The following PHYHIPL variants were observed in gnomAD, a reference collection of about 807,000 sequenced individuals.
The protein encoded by PHYHIPL is phytanoyl-CoA 2-hydroxylase interacting protein like.
PHYHIPL carries 9 observed loss-of-function variants against 33.4 expected under a neutral mutation model. The ratio of observed to expected loss-of-function variants is 0.27; its 90% confidence interval spans 0.16 to 0.47. PHYHIPL has a LOEUF of 0.47. Among genes scored for constraint, PHYHIPL ranks in the 20% least tolerant of loss-of-function variants. PHYHIPL has a pLI of 0.99. For synonymous variants in PHYHIPL, 153 were observed against 154.1 expected (o/e 0.99, Z 0.05); for missense variants, 365 against 460.7 (o/e 0.79, Z 1.90).
intron 1 of PHYHIPL, among the ~76,000 whole-genome samples, chr10:59,185,544 A>T (rs1469333878): frequency 6.6e-6 from 1 of 152,160 alleles, no homozygotes; most frequent in Non-Finnish European, 1.5e-5. Context: ...CGCCACACTG[A>T]CTTCCACAAT....
intron 1 of PHYHIPL, among the ~76,000 whole-genome samples, chr10:59,215,560 C>T (rs1253330949): frequency 6.6e-6 from 1 of 151,810 alleles, no homozygotes; most frequent in African/African-American, 2.4e-5. Context: ...GCCATGACCC[C>T]TGTATTCATA....
intron 4 of PHYHIPL, among the ~76,000 whole-genome samples, chr10:59,241,443 T>C (rs2393537): frequency 0.22 from 34,019 of 152,034 alleles, 5,272 homozygotes; most frequent in African/African-American, 0.43. Flanking sequence ...ACCACTTTCT[T>C]TCTTACCTCT....
chr10:59,218,130 G>C (rs1452781283), intron 1 of PHYHIPL, among the ~76,000 whole-genome samples: 1 of 152,064 alleles, frequency 6.6e-6, no homozygotes, highest in African/African-American at 2.4e-5. Context: ...TTTTGGGCCT[G>C]GATAATTATA....
chr10:59,176,642 C>A (rs532721197), upstream of PHYHIPL: 397 of 493,856 alleles, frequency 8.0e-4, 1 homozygote, highest in African/African-American at 6.6e-3. Context: ...CTCGGTCTCT[C>A]AGAGCCGCAC....
At chr10:59,179,842 TACACACACACACACACACACACACAC>T (rs147836305) in intron 1 of PHYHIPL, among the ~76,000 whole-genome samples, 2 of 134,794 alleles carry the variant, frequency 1.5e-5, no homozygotes, top group Non-Finnish European at 1.6e-5. Context: ...GCAAGACAGT[TACACACACACACACACACACACACAC>T]ACACACACAC....
chr10:59,187,968 A>G (rs1278466496), intron 1 of PHYHIPL, among the ~76,000 whole-genome samples: 1 of 151,938 alleles, frequency 6.6e-6, no homozygotes, highest in Non-Finnish European at 1.5e-5. Flanking sequence ...TATCTCCTTC[A>G]GTTCTGCTCT....
intron 2 of PHYHIPL, among the ~76,000 whole-genome samples, chr10:59,235,302 C>T (rs1275763338): frequency 1.3e-5 from 2 of 151,738 alleles, no homozygotes; most frequent in African/African-American, 2.4e-5. Context: ...ATTCACATAT[C>T]ATATATCTTT....
At chr10:59,240,210 A>G (rs1337053519) in intron 4 of PHYHIPL, among the ~76,000 whole-genome samples, 17 of 152,038 alleles carry the variant, frequency 1.1e-4, no homozygotes, top group Non-Finnish European at 2.9e-5. Context: ...CACCTAATTT[A>G]GAGAGTACAG....
At chr10:59,182,993 A>G (rs1464143420) in intron 1 of PHYHIPL, among the ~76,000 whole-genome samples, 1 of 152,218 alleles carries the variant, frequency 6.6e-6, no homozygotes, top group Non-Finnish European at 1.5e-5. Context: ...GGAGCTGGTG[A>G]ATATCCAAAT....
rs374279458 is a variant in PHYHIPL, at chr10:59,203,766, G to A, written c.106+26807G>A. Among the ~76,000 whole-genome samples the A allele has an allele frequency of 1.7e-4, 24 of 145,228 alleles. 1 individual carries two copies. The highest frequency in any genetic ancestry group is 4.2e-4 in the East Asian group (2 of 4,766). ...GGAACATCACACACCAGGGCCTGTC[G>A]TGGGGTGGGGGGAGGGAGGAGGGAT... is the stretch of plus-strand genomic sequence containing the variant. On this transcript the variant is annotated intron_variant, in intron 1 of 4. Transcript: ENST00000373880.
At chr10:59,180,259 C>T (rs188133264) in intron 1 of PHYHIPL, among the ~76,000 whole-genome samples, 1,560 of 127,368 alleles carry the variant, frequency 0.012, 43 homozygotes, top group African/African-American at 0.042. Context: ...CATATATATA[C>T]ACACACACAC....
chr10:59,201,153 A>G (rs550860675), intron 1 of PHYHIPL, among the ~76,000 whole-genome samples: 40 of 152,014 alleles, frequency 2.6e-4, no homozygotes, highest in African/African-American at 7.0e-4. Flanking sequence ...TGATGTTAGG[A>G]TGTCAATTTT....
intron 1 of PHYHIPL, among the ~76,000 whole-genome samples, chr10:59,230,413 C>G (rs1292716522): frequency 6.6e-6 from 1 of 151,882 alleles, no homozygotes; most frequent in Non-Finnish European, 1.5e-5. Flanking sequence ...CAGTGTTTCG[C>G]CATGTTGCCT....
Position 59,222,330 on chromosome 10 carries a change from G to A in PHYHIPL, c.107-11974G>A, listed in dbSNP as rs74151011. Among the ~76,000 whole-genome samples, 651 of 152,090 alleles carry A rather than the reference G, an allele frequency of 4.3e-3. 12 individuals are homozygous for A. The highest frequency in any genetic ancestry group is 0.015 in the African/African-American group (615 of 41,508). On this transcript the variant is annotated intron_variant, in intron 1 of 4. Coordinates refer to ENST00000373880, the MANE Select transcript of PHYHIPL (RefSeq NM_032439.4). ...TGCAGGTAACTAGGAGGTGCTGTAAGTATAACTGTAAGAGAAATAATTCAG... is the reference window on the plus strand; with the variant it reads ...TGCAGGTAACTAGGAGGTGCTGTAAATATAACTGTAAGAGAAATAATTCAG...
rs1564698963 is a variant in PHYHIPL, at chr10:59,180,359, T to TATAC, written c.106+3401_106+3404dup. 1.6e-3 allele frequency among the ~76,000 whole-genome samples: 178 copies of TATAC among 112,548 alleles called. 3 individuals are homozygous for TATAC. The highest frequency in any genetic ancestry group is 5.7e-3 in the African/African-American group (170 of 29,976). The allele number at this position is 112,548 out of a possible 152,430, so 73.8% of individuals were successfully genotyped here. On this transcript the variant is annotated intron_variant, in intron 1 of 4. Coordinates refer to ENST00000373880, the MANE Select transcript of PHYHIPL (RefSeq NM_032439.4). ...ATATATATATATATATATATATATATATACTTTTTCTTCCTCGTTGAACAG... is the reference window on the plus strand; with the variant it reads ...ATATATATATATATATATATATATATATACATACTTTTTCTTCCTCGTTGAACAG...
intron 1 of PHYHIPL, among the ~76,000 whole-genome samples, chr10:59,224,047 A>C (rs976182564): frequency 4.6e-5 from 7 of 152,204 alleles, no homozygotes; most frequent in African/African-American, 1.7e-4. Flanking sequence ...GAAACATGCA[A>C]ATCTATATTT....
In PHYHIPL at chr10:59,193,773, T is replaced by G. The variant is rs564040077; in HGVS notation, c.106+16814T>G. Reference sequence around the variant, plus strand: ...TATTTCTATATATTTTCTTCTGGTGTAATTCAGTATATCCAATGTTAATTT... The same window carrying G: ...TATTTCTATATATTTTCTTCTGGTGGAATTCAGTATATCCAATGTTAATTT... On this transcript the variant is annotated intron_variant, in intron 1 of 4. Transcript: ENST00000373880. 1.6e-3 allele frequency among the ~76,000 whole-genome samples: 238 copies of G among 152,298 alleles called. 1 individual carries two copies. Among genetic ancestry groups the G allele is most frequent in the Non-Finnish European group, 1.9e-3 (127 of 68,022 alleles).
chr10:59,245,528 G>A lies in PHYHIPL; in HGVS notation c.1068G>A (p.Leu356=). 1 of 1,613,470 alleles carries A rather than the reference G, an allele frequency of 6.2e-7. No individual in the cohort carries two copies. Among genetic ancestry groups the A allele is most frequent in the Non-Finnish European group, 8.5e-7 (1 of 1,179,792 alleles). Residue 356 remains leucine (L), a synonymous_variant, in exon 5 of 5, where the codon TTG becomes TTA. Coordinates refer to ENST00000373880, the MANE Select transcript of PHYHIPL (RefSeq NM_032439.4). ...TCACTGGTCATCAGCTCATGAGTTTGTCTACTGCAAATGCAAAGAAAGATC... is the reference window on the plus strand; with the variant it reads ...TCACTGGTCATCAGCTCATGAGTTTATCTACTGCAAATGCAAAGAAAGATC... ...AEITGHQLMS[L]STANAKKDPS...
At chr10:59,190,368 A>G (rs1026028520) in intron 1 of PHYHIPL, among the ~76,000 whole-genome samples, 1 of 151,972 alleles carries the variant, frequency 6.6e-6, no homozygotes, top group Non-Finnish European at 1.5e-5. Flanking sequence ...GATTTTTGTC[A>G]AAGTAGAATA....
Sources: gnomAD v4.1 joint callset for allele counts (sites outside exome capture counted in the v4.1 genomes callset) on GRCh38, gnomAD v4.1.1 for gene constraint, MANE v1.5 for transcripts, NCBI Gene and HGNC (gene_info 2026-07-23, HGNC 2026-07-21) for gene names.